Variants in AP1B1 observed in about 807,000 individuals in gnomAD.
AP1B1 encodes adaptor related protein complex 1 subunit beta 1, also known as AP-1 complex subunit beta-1.
Under a neutral mutation model 104.3 loss-of-function variants are expected in AP1B1, and 36 were observed. The ratio of observed to expected loss-of-function variants is 0.35; its 90% CI spans 0.26 to 0.46. The LOEUF is 0.46. AP1B1 is among the 20% of genes least tolerant of loss of function. AP1B1 has a pLI of 1.00. For synonymous variants in AP1B1, 504 were observed against 517.5 expected (o/e 0.97, Z 0.35); for missense variants, 901 against 1,247.9 (o/e 0.72, Z 4.19).
At chr22:29,366,833 G>GGGACAC (rs1468522358) in intron 2 of AP1B1, among the ~76,000 whole-genome samples, 1 of 131,308 alleles carries the variant, frequency 7.6e-6, no homozygotes, top group African/African-American at 2.9e-5. Flanking sequence ...CTTGGATAAG[G>GGGACAC]ACACACACAC....
chr22:29,336,626 A>C (rs1327297227), intron 16 of AP1B1, among the ~76,000 whole-genome samples: 2 of 152,144 alleles, frequency 1.3e-5, no homozygotes, highest in African/African-American at 4.8e-5. Context: ...ACATAGTGAA[A>C]TCCTGTCTTT....
intron 17 of AP1B1, 170 bp from the exon 18 acceptor site, chr22:29,332,086 C>T: frequency 1.6e-6 from 1 of 614,350 alleles, no homozygotes; most frequent in Non-Finnish European, 2.7e-6. Flanking sequence ...GGGTCCCCTC[C>T]CCCAGATGGC....
intron 9 of AP1B1, 61 bp from the exon 10 acceptor site, chr22:29,350,211 G>A: frequency 7.4e-7 from 1 of 1,349,098 alleles, no homozygotes; most frequent in Non-Finnish European, 1.1e-6. Flanking sequence ...TAGAGCCTCT[G>A]ATGTCCACGC....
In AP1B1 at chr22:29,359,055, C is replaced by T; in HGVS notation, c.280-84G>A. The T allele has an allele frequency of 4.4e-6, 6 of 1,356,710 alleles. No homozygotes were observed. The South Asian group carries it at 5.5e-5, about 13-fold the overall frequency. 84.0% of individuals were successfully genotyped at this position (1,356,710 alleles called of 1,614,324 possible). A position where few individuals can be genotyped will look rare whatever the true frequency, so the allele number is the denominator to read the frequency against. ...ATTCTCCCTGGCCTGCAGCTCTGAG[C>T]CCTGCTAGGCTGAGCGACATCAGAT... is the stretch of plus-strand genomic sequence containing the variant. On this transcript the variant is annotated intron_variant, in intron 4 of 22. Transcript: ENST00000357586.
At position 29,356,513 on chromosome 22, in the gene AP1B1, G is replaced by A; in HGVS notation, c.629C>T (p.Ala210Val). Residue 210 changes from alanine (A) to valine (V), a missense_variant, in exon 6 of 23, where the codon GCC becomes GTC. By Grantham distance (64) the Ala-to-Val change is moderately conservative (BLOSUM62 0). Transcript: ENST00000357586. Reference sequence around the variant, plus strand: ...GCCCCACTCGGTGCACTCATTGAGGGCTGTCAGCAGCTTGTTGATGGACTG... The same window carrying A: ...GCCCCACTCGGTGCACTCATTGAGGACTGTCAGCAGCTTGTTGATGGACTG... Reference protein sequence around the residue: ...NPQSINKLLTALNECTEWGQI... With the variant: ...NPQSINKLLTVLNECTEWGQI... The A allele has an allele frequency of 6.2e-7, 1 of 1,614,238 alleles. No individual in the cohort carries two copies. The highest frequency in any genetic ancestry group is 8.5e-7 in the Non-Finnish European group (1 of 1,180,042).
chr22:29,377,580 G>C (rs899005786), intron 1 of AP1B1, among the ~76,000 whole-genome samples: 25 of 152,092 alleles, frequency 1.6e-4, no homozygotes, highest in Non-Finnish European at 2.9e-4. Context: ...GGAGGCTGAG[G>C]CTGGCAGATC....
chr22:29,342,290 T>A lies in AP1B1; in HGVS notation c.1531A>T (p.Thr511Ser). The part of the protein sequence containing the change: ...ELVQQVLSLA[T>S]QDSDNPDLRD... Reference sequence around the variant, plus strand: ...GGGGAGGTTGGGGCACCCACCTGAGTGGCCAAACTGAGGACCTGCTGCACC... The same window carrying A: ...GGGGAGGTTGGGGCACCCACCTGAGAGGCCAAACTGAGGACCTGCTGCACC... Residue 511 changes from threonine to serine, a missense_variant, in exon 12 of 23, where the codon ACT (threonine) becomes TCT (serine). Coordinates refer to ENST00000357586, the MANE Select transcript of AP1B1 (RefSeq NM_001127.4). 5 of 1,613,676 alleles carry A rather than the reference T, an allele frequency of 3.1e-6. No individual in the cohort carries two copies. The highest frequency in any genetic ancestry group is 4.2e-6 in the Non-Finnish European group (5 of 1,179,800).
chr22:29,358,676 A>G (rs200198009), intron 5 of AP1B1, 50 bp downstream of exon 5: 22 of 1,577,574 alleles, frequency 1.4e-5, no homozygotes, highest in African/African-American at 1.3e-5. Context: ...ATGTCTTCCC[A>G]AGCAACCCAG....
At chr22:29,350,371 C>A (rs1423675266) in intron 9 of AP1B1, among the ~76,000 whole-genome samples, 1 of 152,134 alleles carries the variant, frequency 6.6e-6, no homozygotes, top group Non-Finnish European at 1.5e-5. Flanking sequence ...TGAGGAGAAG[C>A]CAGAGGAAGA....
chr22:29,351,512 T>C lies in AP1B1; in HGVS notation c.1059+193A>G, dbSNP rs572556140. On this transcript the variant is annotated intron_variant, in intron 8 of 22. Coordinates refer to ENST00000357586, the MANE Select transcript of AP1B1 (RefSeq NM_001127.4). Reference sequence around the variant, plus strand: ...TTGTAAGGGATGACAGGTGATAACATGGAGAAACATTCTTTAGTAATAAAA... The same window carrying C: ...TTGTAAGGGATGACAGGTGATAACACGGAGAAACATTCTTTAGTAATAAAA... The C allele has an allele frequency of 4.4e-5, 38 of 869,620 alleles. No homozygotes were observed. In the East Asian group the frequency reaches 8.3e-4, roughly 19 times the overall value. The allele number at this position is 869,620 out of a possible 1,614,324, so 53.9% of individuals were successfully genotyped here.
chr22:29,341,767 G>C lies in AP1B1; in HGVS notation c.1537-7C>G, dbSNP rs1349355419. The C allele has an allele frequency of 1.9e-6, 3 of 1,598,996 alleles. No individual in the cohort carries two copies. The highest frequency in any genetic ancestry group is 2.2e-5 in the East Asian group (1 of 44,534). On this transcript the variant is annotated splice_polypyrimidine_tract_variant and splice_region_variant and intron_variant, in intron 12 of 22. Transcript: ENST00000357586. ...GGTCTGGGTTATCTGAGTCCTTGTG[G>C]GGGTGAGGAGAAGCCCATGAAACTC...
At chr22:29,351,298 G>A in intron 8 of AP1B1, 32 bp from the exon 9 acceptor site, 1 of 1,606,374 alleles carries the variant, frequency 6.2e-7, no homozygotes, top group Non-Finnish European at 8.5e-7. Flanking sequence ...TGGGGCTGGG[G>A]CACCTGATGG....
intron 7 of AP1B1, among the ~76,000 whole-genome samples, chr22:29,353,476 C>T (rs955345033): frequency 1.3e-5 from 2 of 152,190 alleles, no homozygotes; most frequent in African/African-American, 4.8e-5. Flanking sequence ...GAATCCTGCA[C>T]GCTGATCTGC....
intron 22 of AP1B1, chr22:29,329,364 C>G (rs936522942): frequency 1.6e-6 from 2 of 1,214,508 alleles, no homozygotes; most frequent in Non-Finnish European, 2.1e-6. Flanking sequence ...ACTTTGCCTC[C>G]GCTCTGGGGC....
intron 6 of AP1B1, 39 bp downstream of exon 6, chr22:29,356,387 C>G: frequency 6.3e-7 from 1 of 1,580,196 alleles, no homozygotes; most frequent in East Asian, 2.3e-5. Context: ...GGACCAGGGT[C>G]CTCAAGCTGG....
At chr22:29,339,721 C>A (rs181369986) in intron 15 of AP1B1, 33 bp downstream of exon 15, 2 of 1,607,818 alleles carry the variant, frequency 1.2e-6, no homozygotes, top group African/African-American at 2.7e-5. Flanking sequence ...GGAGCAAGGA[C>A]GAAGGCTTGG....
intron 13 of AP1B1, 21 bp from the exon 14 acceptor site, chr22:29,340,878 G>A (rs1260138338): frequency 1.3e-6 from 2 of 1,576,428 alleles, no homozygotes; most frequent in Non-Finnish European, 1.7e-6. Flanking sequence ...ACAGAAGTAG[G>A]GTGGAGGCAT....
rs373904434 is a variant in AP1B1 at position 29,354,645 on chromosome 22, A to C, written c.938+5T>G. On this transcript the variant is annotated splice_donor_5th_base_variant and intron_variant, in intron 7 of 22. Coordinates refer to ENST00000357586, the MANE Select transcript of AP1B1 (RefSeq NM_001127.4). Reference sequence around the variant, plus strand: ...GCATGGACGTGCGTGTGGTGACCTCAGTACCTTTTCTGCACGATGAGATTG... The same window carrying C: ...GCATGGACGTGCGTGTGGTGACCTCCGTACCTTTTCTGCACGATGAGATTG... The C allele has an allele frequency of 1.2e-6, 2 of 1,613,798 alleles. No individual in the cohort carries two copies. Among genetic ancestry groups the C allele is most frequent in the East Asian group, 4.5e-5 (2 of 44,878 alleles).
At chr22:29,380,546 C>T (rs2062420204) in intron 1 of AP1B1, among the ~76,000 whole-genome samples, 1 of 152,158 alleles carries the variant, frequency 6.6e-6, no homozygotes, top group African/African-American at 2.4e-5. Flanking sequence ...ACCCTGCAGT[C>T]TACATCATCT....
Sources: allele counts gnomAD v4.1 joint callset (sites outside exome capture counted in the v4.1 genomes callset), GRCh38; gene constraint gnomAD v4.1.1; transcripts MANE v1.5; gene names NCBI Gene and HGNC (gene_info 2026-07-23, HGNC 2026-07-21).